Variants in CRPPA observed in about 807,000 individuals in gnomAD.
CRPPA encodes the protein D-ribitol-5-phosphate cytidylyltransferase.
CRPPA carries 43 observed loss-of-function variants against 52.0 expected under a neutral mutation model. The ratio of observed to expected loss-of-function variants is 0.83; its 90% CI spans 0.65 to 1.07. CRPPA has a LOEUF of 1.07. Among genes scored for constraint, CRPPA ranks in the 50% least tolerant of loss-of-function variants. The probability of loss-of-function intolerance (pLI) is 0.00; values close to 1 mark genes in which losing one functional copy is unlikely to be tolerated. For missense variants in CRPPA, 629 were observed against 551.7 expected, an observed-to-expected ratio of 1.14 and a Z score of -1.40; for synonymous variants, 250 against 203.5, an observed-to-expected ratio of 1.23 and a Z score of -1.94.
intron 9 of CRPPA, among the ~76,000 whole-genome samples, chr7:16,145,832 C>T (rs570204904): frequency 6.6e-6 from 1 of 152,018 alleles, no homozygotes; most frequent in South Asian, 2.1e-4. Context: ...GAAACATCAT[C>T]AAATTAAGCA....
At chr7:16,379,549 G>C (rs1696378153) in intron 2 of CRPPA, among the ~76,000 whole-genome samples, 1 of 152,052 alleles carries the variant, frequency 6.6e-6, no homozygotes, top group African/African-American at 2.4e-5. Context: ...AGCTTGATGG[G>C]GATGGCATTG....
intron 8 of CRPPA, 169 bp from the exon 9 acceptor site, chr7:16,216,366 C>A: frequency 2.1e-6 from 1 of 484,310 alleles, no homozygotes; most frequent in Non-Finnish European, 3.6e-6. Flanking sequence ...ATCGATGAAT[C>A]CTCCTTTATA....
chr7:16,301,350 T>C (rs1784786084), intron 5 of CRPPA, 71 bp downstream of exon 5: 1 of 1,254,396 alleles, frequency 8.0e-7, no homozygotes, highest in Admixed American at 1.9e-5. Context: ...GGATTTAAAC[T>C]GTCATGAGAA....
chr7:16,271,098 T>C (rs1293312671), intron 6 of CRPPA, among the ~76,000 whole-genome samples: 1 of 152,112 alleles, frequency 6.6e-6, no homozygotes, highest in African/African-American at 2.4e-5. Flanking sequence ...TTGTCATTTG[T>C]GATTACTCAA....
At position 16,258,422 on chromosome 7, in the gene CRPPA, G is replaced by A. The variant is rs2128412313; in HGVS notation, c.1087C>T (p.Leu363Phe). ...ACAACAACAGGATATAAAATGCAAA[G>A]ACTACTCTCTTCAAGCATGCTCAGT... ...KLLSMLEESSLCILYPVVVVS... is the reference protein window; with the variant it reads ...KLLSMLEESSFCILYPVVVVS... Residue 363 changes from leucine (L) to phenylalanine (F), a missense_variant, in exon 8 of 10, where the codon CTT (leucine) becomes TTT (phenylalanine). By Grantham distance (22) the Leu-to-Phe change is conservative. Transcript: ENST00000407010. 6.2e-7 allele frequency: 1 copy of A among 1,607,044 alleles called. No individual in the cohort carries two copies. Among genetic ancestry groups the A allele is most frequent in the Non-Finnish European group, 8.5e-7 (1 of 1,176,494 alleles).
chr7:16,116,507 A>C (rs1381500274), intron 9 of CRPPA, among the ~76,000 whole-genome samples: 1 of 152,086 alleles, frequency 6.6e-6, no homozygotes, highest in African/African-American at 2.4e-5. Context: ...TCTACTAAAA[A>C]TACAAACATT....
chr7:16,104,461 T>G (rs937227335), intron 9 of CRPPA, among the ~76,000 whole-genome samples: 3 of 152,184 alleles, frequency 2.0e-5, no homozygotes, highest in Non-Finnish European at 4.4e-5. Context: ...TGCTTTTGAG[T>G]ACAACTAGAA....
At chr7:16,361,424 C>A (rs1293705316) in intron 3 of CRPPA, among the ~76,000 whole-genome samples, 3 of 152,168 alleles carry the variant, frequency 2.0e-5, no homozygotes, top group African/African-American at 7.2e-5. Flanking sequence ...GCATTAGCAG[C>A]ATTATCCACT....
Position 16,197,441 on chromosome 7 carries a change from G to T in CRPPA, c.1251+18625C>A, listed in dbSNP as rs572530417. Reference sequence around the variant, plus strand: ...CAGCCTCAGATTCCTGGGCTCAAGCGATCCTCTGGCCTCAGCCTCCAGGGT... The same window carrying T: ...CAGCCTCAGATTCCTGGGCTCAAGCTATCCTCTGGCCTCAGCCTCCAGGGT... On this transcript the variant is annotated intron_variant, in intron 9 of 9. Coordinates refer to ENST00000407010, the MANE Select transcript of CRPPA (RefSeq NM_001101426.4). 3.9e-4 allele frequency among the ~76,000 whole-genome samples: 60 copies of T among 151,994 alleles called. 1 individual carries two copies. The South Asian group carries it at 0.012, about 31-fold the overall frequency.
intron 9 of CRPPA, among the ~76,000 whole-genome samples, chr7:16,143,653 G>A (rs1289181591): frequency 6.6e-6 from 1 of 152,164 alleles, no homozygotes. Context: ...TAAAGCACTA[G>A]TGTACCAAGT....
chr7:16,138,282 C>T (rs780973287), intron 9 of CRPPA, among the ~76,000 whole-genome samples: 3 of 152,148 alleles, frequency 2.0e-5, no homozygotes, highest in Non-Finnish European at 4.4e-5. Context: ...GAATTATCTA[C>T]AATGCCTCAA....
At chr7:16,398,351 CAT>C (rs770150266) in intron 2 of CRPPA, among the ~76,000 whole-genome samples, 7 of 150,590 alleles carry the variant, frequency 4.6e-5, no homozygotes, top group East Asian at 2.0e-4. Context: ...ACACGTGTGA[CAT>C]GTGACAGAGG....
chr7:16,371,057 C>A (rs964102570), intron 3 of CRPPA, among the ~76,000 whole-genome samples: 8 of 152,166 alleles, frequency 5.3e-5, no homozygotes, highest in African/African-American at 1.9e-4. Flanking sequence ...AGATCGCTTT[C>A]CTGCTGGCCT....
chr7:16,327,624 A>G (rs1785446204), intron 3 of CRPPA, among the ~76,000 whole-genome samples: 1 of 135,504 alleles, frequency 7.4e-6, no homozygotes, highest in Non-Finnish European at 1.6e-5. Flanking sequence ...AAAAAAAAAA[A>G]AAAGAGTAAA....
At position 16,091,740 on chromosome 7, in the gene CRPPA, G is replaced by T; in HGVS notation, c.1311C>A (p.Ile437=). 1.3e-6 allele frequency: 2 copies of T among 1,563,210 alleles called. No homozygotes were observed. Among genetic ancestry groups the T allele is most frequent in the South Asian group, 2.4e-5 (2 of 84,004 alleles). Residue 437 remains isoleucine, a synonymous_variant, in exon 10 of 10, where the codon ATC becomes ATA. Transcript: ENST00000407010. ...RQGAIIIASL[I]KERNSGLIGQ... ...CAATGAGTCCAGAATTTCTTTCCTT[G>T]ATTAATGAAGCAATAATGATAGCAC... is the stretch of plus-strand genomic sequence containing the variant.
At chr7:16,375,958 C>A in intron 3 of CRPPA, 134 bp downstream of exon 3, 1 of 837,862 alleles carries the variant, frequency 1.2e-6, no homozygotes, top group Non-Finnish European at 1.8e-6. Context: ...AACCTTAATA[C>A]TTCATTGTAA....
At chr7:16,168,632 A>G (rs554085551) in intron 9 of CRPPA, among the ~76,000 whole-genome samples, 40 of 152,156 alleles carry the variant, frequency 2.6e-4, no homozygotes, top group African/African-American at 9.4e-4. Context: ...TGGTAACAAT[A>G]CATTTATGGC....
chr7:16,374,497 T>C (rs1786829382), intron 3 of CRPPA, among the ~76,000 whole-genome samples: 2 of 152,182 alleles, frequency 1.3e-5, no homozygotes, highest in South Asian at 4.1e-4. Context: ...CATATACACA[T>C]ATATCCTATT....
rs116144452 is a variant in CRPPA, at chr7:16,131,265, C to A, written c.1252-39466G>T. On this transcript the variant is annotated intron_variant, in intron 9 of 9. Transcript: ENST00000407010. The stretch of plus-strand genomic sequence containing the variant: ...AAAAGCATACATTGCCATGAACAGA[C>A]CATTAGAGGCAATTTTAGAAGGAAA... Among the ~76,000 whole-genome samples the A allele has an allele frequency of 2.5e-3, 374 of 151,998 alleles. 1 individual carries two copies. Among genetic ancestry groups the A allele is most frequent in the African/African-American group, 8.6e-3 (356 of 41,422 alleles).
Sources: allele counts gnomAD v4.1 joint callset (sites outside exome capture counted in the v4.1 genomes callset), GRCh38; gene constraint gnomAD v4.1.1; transcripts MANE v1.5; gene names NCBI Gene and HGNC (gene_info 2026-07-23, HGNC 2026-07-21).